Variants in ADGRF1 observed in about 807,000 individuals in gnomAD.
ADGRF1 encodes adhesion G protein-coupled receptor F1.
ADGRF1 carries 85 observed loss-of-function variants against 87.2 expected under a neutral mutation model. That is an observed-to-expected ratio of 0.97 (90% CI 0.82 to 1.17). The LOEUF is 1.17. Among genes scored for constraint, ADGRF1 ranks in the 50% most tolerant of loss-of-function variants. The pLI, the probability that ADGRF1 is intolerant of heterozygous loss-of-function variation, is 0.00. For synonymous variants in ADGRF1, 430 were observed against 408.8 expected (o/e 1.05, Z -0.63); for missense variants, 1,169 against 1,077.2 (o/e 1.09, Z -1.19).
rs1217844283 is a variant in ADGRF1 at position 46,998,939 on chromosome 6, T to C, written c.*1283A>G. 1 of 152,280 alleles carries C rather than the reference T, an allele frequency of 6.6e-6. No individual in the cohort carries two copies. Among genetic ancestry groups the C allele is most frequent in the Non-Finnish European group, 1.5e-5 (1 of 68,072 alleles). 9.4% of individuals were successfully genotyped at this position (152,280 alleles called of 1,614,324 possible). ...ATTTCTCTCAGGTATGCTTATTTAA[T>C]CTACCACCACTAACTAGAAGTTCCC... On this transcript the variant is annotated 3_prime_UTR_variant, in exon 15 of 15. Coordinates refer to ENST00000371253, the MANE Select transcript of ADGRF1 (RefSeq NM_153840.4).
chr6:47,022,393 T>TA (rs1780086679), intron 5 of ADGRF1, among the ~76,000 whole-genome samples: 1 of 152,216 alleles, frequency 6.6e-6, no homozygotes, highest in Non-Finnish European at 1.5e-5. Context: ...TTGTCCCTAT[T>TA]AAAAATTAAA....
At chr6:47,035,422 A>G (rs1780561807) in intron 1 of ADGRF1, among the ~76,000 whole-genome samples, 1 of 152,230 alleles carries the variant, frequency 6.6e-6, no homozygotes, top group Admixed American at 6.5e-5. Context: ...AAGTACCTGA[A>G]CAGAACTCCA....
At chr6:47,021,159 G>T (rs772523938) in intron 6 of ADGRF1, among the ~76,000 whole-genome samples, 1 of 152,066 alleles carries the variant, frequency 6.6e-6, no homozygotes, top group Admixed American at 6.5e-5. Flanking sequence ...TACTTAGACC[G>T]AATCCATCTA....
In ADGRF1 at chr6:46,998,543, A is replaced by G. The variant is rs2113871093; in HGVS notation, c.*1679T>C. On this transcript the variant is annotated 3_prime_UTR_variant, in exon 15 of 15. Transcript: ENST00000371253. Reference sequence around the variant, plus strand: ...ACAGGCTATTCTCAACACAGAACTCATTCAGGGCTCTACTACCGGAGCTGT... The same window carrying G: ...ACAGGCTATTCTCAACACAGAACTCGTTCAGGGCTCTACTACCGGAGCTGT... The G allele has an allele frequency of 6.6e-6, 1 of 152,364 alleles. No individual in the cohort carries two copies. The highest frequency in any genetic ancestry group is 1.9e-4 in the East Asian group (1 of 5,188). 9.4% of individuals were successfully genotyped at this position (152,364 alleles called of 1,614,324 possible). A position where few individuals can be genotyped will look rare whatever the true frequency, so the allele number is the denominator to read the frequency against.
chr6:47,025,598 C>T (rs539525189), intron 4 of ADGRF1, among the ~76,000 whole-genome samples: 5 of 152,134 alleles, frequency 3.3e-5, no homozygotes, highest in Non-Finnish European at 5.9e-5. Context: ...GGAAAACCCT[C>T]CAGTGTTTCA....
chr6:47,014,914 G>A, intron 8 of ADGRF1, 70 bp from the exon 9 acceptor site: 7 of 1,453,750 alleles, frequency 4.8e-6, no homozygotes, highest in Non-Finnish European at 6.4e-6. Context: ...AAACCATGTA[G>A]TCATGTTCAA....
chr6:47,003,101 G>A (rs901035883), intron 13 of ADGRF1, among the ~76,000 whole-genome samples: 1 of 149,282 alleles, frequency 6.7e-6, no homozygotes, highest in African/African-American at 2.5e-5. Context: ...CCCCCTCTCA[G>A]CCAAGGAGAT....
intron 9 of ADGRF1, chr6:47,014,134 C>T: frequency 2.8e-6 from 1 of 351,854 alleles, no homozygotes; most frequent in Non-Finnish European, 4.0e-6. Flanking sequence ...AAAACTATTG[C>T]TACCAGAGGA....
At position 47,010,159 on chromosome 6, in the gene ADGRF1, G is replaced by C; in HGVS notation, c.1276C>G (p.Arg426Gly). 6.2e-7 allele frequency: 1 copy of C among 1,614,146 alleles called. No homozygotes were observed. The highest frequency in any genetic ancestry group is 8.5e-7 in the Non-Finnish European group (1 of 1,180,026). ...ATCCCTTTCCAGTCAATGAATTTCCGAGAAAAATTCAGAGGAAGAGCTGTC... is the reference window on the plus strand; with the variant it reads ...ATCCCTTTCCAGTCAATGAATTTCCCAGAAAAATTCAGAGGAAGAGCTGTC... ...PPTALPLNFS[R>G]KFIDWKGIPV... is the part of the protein sequence containing the mutation. The change falls in exon 11 of 15, where the codon CGG becomes GGG. Residue 426 changes from arginine to glycine, a missense_variant. Coordinates refer to ENST00000371253, the MANE Select transcript of ADGRF1 (RefSeq NM_153840.4).
In ADGRF1 at chr6:46,999,232, T is replaced by C. The variant is rs1779292252; in HGVS notation, c.*990A>G. On this transcript the variant is annotated 3_prime_UTR_variant, in exon 15 of 15. Coordinates refer to ENST00000371253, the MANE Select transcript of ADGRF1 (RefSeq NM_153840.4). ...GAAAATAACTTCCACAAAGTGCCTA[T>C]GGTGTATTATGAAAGAAAATAAGGA... The C allele has an allele frequency of 6.6e-6, 1 of 152,290 alleles. No individual in the cohort carries two copies. Among genetic ancestry groups the C allele is most frequent in the Admixed American group, 6.5e-5 (1 of 15,298 alleles). 9.4% of individuals were successfully genotyped at this position (152,290 alleles called of 1,614,324 possible).
intron 1 of ADGRF1, among the ~76,000 whole-genome samples, chr6:47,035,153 C>A (rs941930037): frequency 6.6e-6 from 1 of 152,192 alleles, no homozygotes; most frequent in Non-Finnish European, 1.5e-5. Flanking sequence ...CTATTCCAAA[C>A]CCTTGTAACT....
intron 9 of ADGRF1, chr6:47,013,720 T>C (rs1779775657): frequency 2.2e-6 from 2 of 922,024 alleles, no homozygotes. Context: ...TAATTCCCAA[T>C]GTTGGAGGTG....
At chr6:47,005,714 C>T (rs1779505703) in intron 13 of ADGRF1, 103 bp downstream of exon 13, 1 of 697,502 alleles carries the variant, frequency 1.4e-6, no homozygotes, top group African/African-American at 1.8e-5. Context: ...GAAAGAAATT[C>T]AAGGGGTTTA....
chr6:47,004,554 G>A (rs561114160), intron 13 of ADGRF1, among the ~76,000 whole-genome samples: 12 of 152,180 alleles, frequency 7.9e-5, no homozygotes, highest in Non-Finnish European at 1.3e-4. Context: ...GTTTTCAAAG[G>A]AGAAAAATTT....
chr6:47,034,578 C>T (rs1240674415), intron 1 of ADGRF1, among the ~76,000 whole-genome samples: 1 of 152,228 alleles, frequency 6.6e-6, no homozygotes, highest in Admixed American at 6.5e-5. Flanking sequence ...TACTGACAGC[C>T]TCCAATTTCC....
In ADGRF1 at chr6:47,012,110, G is replaced by A; in HGVS notation, c.1013C>T (p.Pro338Leu). 1.2e-6 allele frequency: 2 copies of A among 1,614,140 alleles called. No individual in the cohort carries two copies. The highest frequency in any genetic ancestry group is 1.7e-5 in the Admixed American group (1 of 60,022). Residue 338 changes from proline (P) to leucine (L), a missense_variant, in exon 10 of 15, where the codon CCA (proline) becomes CTA (leucine). Transcript: ENST00000371253. ...AGCCAGATTCCCCACTGTGGTTGAT[G>A]GGTTTTGCCGAATGATGACAGAAAG... ...QNLSVIIRQN[P>L]STTVGNLASV...
chr6:47,003,185 T>A (rs1779411045), intron 13 of ADGRF1, among the ~76,000 whole-genome samples: 1 of 152,062 alleles, frequency 6.6e-6, no homozygotes, highest in Non-Finnish European at 1.5e-5. Flanking sequence ...TGTAGTCTTC[T>A]CCCTTTGGAG....
intron 13 of ADGRF1, among the ~76,000 whole-genome samples, chr6:47,002,833 A>G (rs1779397207): frequency 6.6e-6 from 1 of 152,098 alleles, no homozygotes; most frequent in Non-Finnish European, 1.5e-5. Flanking sequence ...TGGGGTCCAT[A>G]CAGTGTGCTG....
chr6:47,016,471 G>A lies in ADGRF1; in HGVS notation c.763+146C>T, dbSNP rs1582158953. On this transcript the variant is annotated intron_variant, in intron 8 of 14. Transcript: ENST00000371253. ...GAAGCTAAGTTTCATCTTGGTGCTG[G>A]GGGAAACAGCTGCCTGTTTGTGCTG... is the stretch of plus-strand genomic sequence containing the variant. 7.4e-6 allele frequency: 6 copies of A among 815,504 alleles called. No homozygotes were observed. In the East Asian group the frequency reaches 1.1e-4, roughly 15 times the overall value. The allele number at this position is 815,504 out of a possible 1,614,324, so 50.5% of individuals were successfully genotyped here.
Sources: allele counts gnomAD v4.1 joint callset (sites outside exome capture counted in the v4.1 genomes callset), GRCh38; gene constraint gnomAD v4.1.1; transcripts MANE v1.5; gene names NCBI Gene and HGNC (gene_info 2026-07-23, HGNC 2026-07-21).